The following PITPNC1 variants were observed in gnomAD, a reference collection of about 807,000 sequenced individuals.
PITPNC1 encodes the protein cytoplasmic phosphatidylinositol transfer protein 1.
Under a neutral mutation model 44.7 loss-of-function variants are expected in PITPNC1, and 18 were observed. The observed-to-expected ratio is 0.40, with a 90% confidence interval of 0.28 to 0.60. The LOEUF (loss-of-function observed/expected upper bound fraction) is 0.60, where lower values mean the gene tolerates loss of function less well. PITPNC1 is among the 20% of genes least tolerant of loss of function. The pLI is 0.39. For missense variants in PITPNC1, 290 were observed against 418.4 expected, an observed-to-expected ratio of 0.69 and a Z score of 2.68; for synonymous variants, 141 against 149.6, an observed-to-expected ratio of 0.94 and a Z score of 0.42.
At chr17:67,443,508 G>C (rs946071391) in intron 1 of PITPNC1, among the ~76,000 whole-genome samples, 3 of 151,730 alleles carry the variant, frequency 2.0e-5, no homozygotes, top group Non-Finnish European at 4.4e-5. Context: ...GCGAGCAACC[G>C]GGGCTTTTCA....
intron 1 of PITPNC1, among the ~76,000 whole-genome samples, chr17:67,497,238 GA>G (rs2039964523): frequency 9.8e-6 from 1 of 102,046 alleles, no homozygotes; most frequent in African/African-American, 4.0e-5. Flanking sequence ...TTTTTTTTTT[GA>G]GACGGCGTCT....
chr17:67,655,402 C>A (rs974738417), intron 6 of PITPNC1, among the ~76,000 whole-genome samples: 15 of 151,244 alleles, frequency 9.9e-5, no homozygotes, highest in South Asian at 8.4e-4. Context: ...ACTAAAAACA[C>A]AAAAAAAATT....
At position 67,539,833 on chromosome 17, in the gene PITPNC1, G is replaced by A. The variant is rs11079696; in HGVS notation, c.197+6883G>A. The stretch of plus-strand genomic sequence containing the variant: ...AGCCTGGGTGACAGAACGAGACGCC[G>A]TCTCAAACAAACAAACAAACAAATG... On this transcript the variant is annotated intron_variant, in intron 2 of 8. Coordinates refer to ENST00000581322, the MANE Select transcript of PITPNC1 (RefSeq NM_012417.4). Among the ~76,000 whole-genome samples the A allele has an allele frequency of 0.014, 2,131 of 151,796 alleles. 307 individuals carry two copies. In the East Asian group the frequency reaches 0.33, roughly 23 times the overall value.
chr17:67,552,459 G>A (rs2040779857), intron 3 of PITPNC1, 114 bp downstream of exon 3: 2 of 666,388 alleles, frequency 3.0e-6, no homozygotes, highest in Non-Finnish European at 5.4e-6. Context: ...GAGCCCCGTA[G>A]TATCCCTCTT....
chr17:67,599,034 A>ATATATATATATATATT (rs1461493250), intron 5 of PITPNC1, among the ~76,000 whole-genome samples: 6 of 35,670 alleles, frequency 1.7e-4, no homozygotes, highest in African/African-American at 5.7e-4. Flanking sequence ...ATATATATAT[A>ATATATATATATATATT]TTTTTTTTTT....
intron 6 of PITPNC1, among the ~76,000 whole-genome samples, chr17:67,640,848 G>A (rs1349192167): frequency 6.7e-6 from 1 of 150,310 alleles, no homozygotes; most frequent in African/African-American, 2.5e-5. Flanking sequence ...AAATTAGCCG[G>A]GTGTGGTGGC....
At chr17:67,509,180 G>A (rs2081951082) in intron 1 of PITPNC1, among the ~76,000 whole-genome samples, 1 of 151,580 alleles carries the variant, frequency 6.6e-6, no homozygotes, top group Non-Finnish European at 1.5e-5. Flanking sequence ...GTTGCAGTGA[G>A]CCAAGATCAC....
At chr17:67,572,471 G>GT (rs960770705) in intron 4 of PITPNC1, among the ~76,000 whole-genome samples, 1 of 109,854 alleles carries the variant, frequency 9.1e-6, no homozygotes, top group Middle Eastern at 4.4e-3. Context: ...GGTAAAGCGG[G>GT]GGGGGGGGGT....
intron 6 of PITPNC1, among the ~76,000 whole-genome samples, chr17:67,662,324 C>T (rs1004587333): frequency 2.0e-5 from 3 of 151,262 alleles, no homozygotes; most frequent in Admixed American, 1.3e-4. Flanking sequence ...TGTGGTGGTG[C>T]GTGCCTGTAA....
chr17:67,428,839 C>CTTTTTTTTTTTTTTTTTTTTTTTTTTTT (rs369624053), intron 1 of PITPNC1, among the ~76,000 whole-genome samples: 1 of 113,186 alleles, frequency 8.8e-6, no homozygotes, highest in African/African-American at 3.3e-5. Context: ...ACTTGTCTTG[C>CTTTTTTTTTTTTTTTTTTTTTTTTTTTT]TTTTTTTTTT....
At chr17:67,563,052 A>G (rs1217875625) in intron 4 of PITPNC1, among the ~76,000 whole-genome samples, 1 of 152,222 alleles carries the variant, frequency 6.6e-6, no homozygotes, top group Non-Finnish European at 1.5e-5. Context: ...AATAAGCCCT[A>G]AACTCTATGC....
At chr17:67,644,408 G>C (rs1336362503) in intron 6 of PITPNC1, among the ~76,000 whole-genome samples, 1 of 151,116 alleles carries the variant, frequency 6.6e-6, no homozygotes, top group Admixed American at 6.6e-5. Context: ...CCATCTCATG[G>C]AGAACTTCCC....
intron 1 of PITPNC1, among the ~76,000 whole-genome samples, chr17:67,511,161 C>A (rs930735962): frequency 1.3e-5 from 2 of 152,264 alleles, no homozygotes; most frequent in African/African-American, 4.8e-5. Flanking sequence ...ATCTTTCCAT[C>A]TTGGCAAGGA....
intron 1 of PITPNC1, among the ~76,000 whole-genome samples, chr17:67,468,889 T>C (rs1947219802): frequency 6.6e-6 from 1 of 152,066 alleles, no homozygotes; most frequent in South Asian, 2.1e-4. Flanking sequence ...CCACCACGCC[T>C]GGCTAATTTT....
At chr17:67,598,893 C>CA in intron 5 of PITPNC1, among the ~76,000 whole-genome samples, 1 of 149,592 alleles carries the variant, frequency 6.7e-6, no homozygotes, top group Non-Finnish European at 1.5e-5. Flanking sequence ...AACTCCATCT[C>CA]AAAAAAACAG....
chr17:67,490,148 GTGTGTGTGTGTGTTT>G (rs2039842837), intron 1 of PITPNC1, among the ~76,000 whole-genome samples: 3 of 113,330 alleles, frequency 2.6e-5, no homozygotes, highest in Non-Finnish European at 5.3e-5. Flanking sequence ...GTGTGTGTGT[GTGTGTGTGTGTGTTT>G]TAATTAACGA....
At chr17:67,384,191 C>T (rs999200546) in intron 1 of PITPNC1, among the ~76,000 whole-genome samples, 1 of 151,926 alleles carries the variant, frequency 6.6e-6, no homozygotes, top group Non-Finnish European at 1.5e-5. Flanking sequence ...AGAAACACTC[C>T]CCTCCCCTCC....
chr17:67,525,651 C>T (rs1014945073), intron 1 of PITPNC1, among the ~76,000 whole-genome samples: 4 of 152,152 alleles, frequency 2.6e-5, no homozygotes, highest in East Asian at 1.9e-4. Context: ...CAGAGTTCTG[C>T]GTCATTTATC....
chr17:67,452,173 T>C (rs1373377719), intron 1 of PITPNC1, among the ~76,000 whole-genome samples: 1 of 151,748 alleles, frequency 6.6e-6, no homozygotes, highest in Admixed American at 6.6e-5. Flanking sequence ...ACCTGGCTAA[T>C]TTTTGTATTT....
Sources: gnomAD v4.1 joint callset for allele counts (sites outside exome capture counted in the v4.1 genomes callset) on GRCh38, gnomAD v4.1.1 for gene constraint, MANE v1.5 for transcripts, NCBI Gene and HGNC (gene_info 2026-07-23, HGNC 2026-07-21) for gene names.